The following CLIP1 variants were observed in gnomAD, a reference collection of about 807,000 sequenced individuals.
The protein encoded by CLIP1 is CAP-Gly domain-containing linker protein 1.
A neutral mutation model predicts 161.6 loss-of-function variants in CLIP1; 66 were observed. That is an observed-to-expected ratio of 0.41 (90% CI 0.33 to 0.50). The LOEUF is 0.50. CLIP1 is among the 20% of genes least tolerant of loss of function. The pLI is 0.27. For synonymous variants in CLIP1, 598 were observed against 626.2 expected, an observed-to-expected ratio of 0.96 and a Z score of 0.67; for missense variants, 1,376 against 1,702.0, an observed-to-expected ratio of 0.81 and a Z score of 3.37.
At chr12:122,387,908 A>G (rs1955397509) in intron 1 of CLIP1, among the ~76,000 whole-genome samples, 1 of 151,996 alleles carries the variant, frequency 6.6e-6, no homozygotes, top group Admixed American at 6.6e-5. Flanking sequence ...TAATGAATTA[A>G]TATTTTTAAA....
chr12:122,363,315 C>T (rs748019776), intron 4 of CLIP1, among the ~76,000 whole-genome samples: 1 of 151,950 alleles, frequency 6.6e-6, no homozygotes, highest in Non-Finnish European at 1.5e-5. Flanking sequence ...GCCTGGGCAA[C>T]ACCCCGTCTC....
chr12:122,314,117 C>G (rs1208393251), intron 19 of CLIP1, among the ~76,000 whole-genome samples: 1 of 151,986 alleles, frequency 6.6e-6, no homozygotes, highest in African/African-American at 2.4e-5. Flanking sequence ...ATGGTGAAAC[C>G]CTGTTTCTAC....
At chr12:122,382,425 G>A (rs1310951403) in intron 1 of CLIP1, among the ~76,000 whole-genome samples, 1 of 151,922 alleles carries the variant, frequency 6.6e-6, no homozygotes, top group Admixed American at 6.6e-5. Flanking sequence ...TTACTTGGAA[G>A]GCTGAGGCAC....
intron 12 of CLIP1, 98 bp downstream of exon 12, chr12:122,336,530 TAGAA>T (rs746866434): frequency 3.7e-5 from 25 of 682,436 alleles, no homozygotes; most frequent in East Asian, 1.0e-4. Context: ...AATCAACACT[TAGAA>T]AGAGAAAGGA....
chr12:122,301,495 G>C (rs553136802), intron 20 of CLIP1, among the ~76,000 whole-genome samples: 1 of 152,138 alleles, frequency 6.6e-6, no homozygotes, highest in Non-Finnish European at 1.5e-5. Context: ...CCAATATGGC[G>C]AAACCCCATC....
intron 17 of CLIP1, among the ~76,000 whole-genome samples, chr12:122,325,239 G>GTT (rs1367860640): frequency 6.6e-6 from 1 of 151,888 alleles, no homozygotes; most frequent in Non-Finnish European, 1.5e-5. Context: ...TGTATTTTTA[G>GTT]TAGAGACGGG....
At chr12:122,356,848 C>T (rs567668859) in intron 5 of CLIP1, among the ~76,000 whole-genome samples, 63 of 152,310 alleles carry the variant, frequency 4.1e-4, no homozygotes, top group Non-Finnish European at 7.2e-4. Context: ...CTGTGTTGGC[C>T]GGGCTGGTCT....
chr12:122,380,211 C>G (rs1037015640), intron 2 of CLIP1, among the ~76,000 whole-genome samples, 157 bp downstream of exon 2: 8 of 151,694 alleles, frequency 5.3e-5, no homozygotes, highest in Admixed American at 1.3e-4. Flanking sequence ...CCACTGCACT[C>G]CAGCCTGGGT....
chr12:122,422,059 C>T (rs1956964689), intron 1 of CLIP1, among the ~76,000 whole-genome samples: 1 of 152,238 alleles, frequency 6.6e-6, no homozygotes, highest in African/African-American at 2.4e-5. Flanking sequence ...GCCGGGCACC[C>T]GGGGCCTGAG....
At chr12:122,351,218 G>A (rs960474972) in intron 8 of CLIP1, 75 bp from the exon 9 acceptor site, 4 of 878,804 alleles carry the variant, frequency 4.6e-6, no homozygotes, top group African/African-American at 3.4e-5. Flanking sequence ...ATGTGTTAGG[G>A]TTTCAAGATA....
rs573582187 is a variant in CLIP1, at chr12:122,281,808, T to C, written c.3648-2663A>G. Among the ~76,000 whole-genome samples the C allele has an allele frequency of 2.3e-4, 35 of 152,266 alleles. No individual in the cohort carries two copies. In the South Asian group the frequency reaches 7.0e-3, roughly 31 times the overall value. On this transcript the variant is annotated intron_variant, in intron 21 of 25. Transcript: ENST00000620786. ...ATGATTTCCAGAGCTTCACTTGCTA[T>C]AAATCCAACTCAAATTTGAAAAAAT... is the stretch of plus-strand genomic sequence containing the variant.
At chr12:122,363,228 G>A (rs931565571) in intron 4 of CLIP1, among the ~76,000 whole-genome samples, 7 of 152,106 alleles carry the variant, frequency 4.6e-5, no homozygotes, top group African/African-American at 1.4e-4. Context: ...GGCTGGACGC[G>A]GTGGCTCACA....
chr12:122,419,586 A>G (rs913873229), intron 1 of CLIP1, among the ~76,000 whole-genome samples: 3 of 151,946 alleles, frequency 2.0e-5, no homozygotes, highest in African/African-American at 7.3e-5. Flanking sequence ...TAAGAGAATC[A>G]ACTCATCTCT....
intron 20 of CLIP1, among the ~76,000 whole-genome samples, chr12:122,293,729 C>A (rs190005468): frequency 6.6e-6 from 1 of 151,838 alleles, no homozygotes; most frequent in East Asian, 1.9e-4. Context: ...CCGCCCGCCT[C>A]GGCCTCCCAA....
intron 4 of CLIP1, among the ~76,000 whole-genome samples, chr12:122,362,266 T>C (rs1039122306): frequency 2.0e-5 from 3 of 151,560 alleles, no homozygotes; most frequent in South Asian, 4.2e-4. Context: ...AAATATATAC[T>C]TTTTTTAATT....
At chr12:122,403,278 T>C (rs1253841476) in intron 1 of CLIP1, among the ~76,000 whole-genome samples, 1 of 152,082 alleles carries the variant, frequency 6.6e-6, no homozygotes, top group Non-Finnish European at 1.5e-5. Flanking sequence ...TGATACATAA[T>C]GTATAAGGAA....
At chr12:122,412,060 CTTTTTTTTT>C (rs71082989) in intron 1 of CLIP1, among the ~76,000 whole-genome samples, 2 of 81,598 alleles carry the variant, frequency 2.5e-5, no homozygotes, top group African/African-American at 4.7e-5. Context: ...CAGTTATTTT[CTTTTTTTTT>C]TTTTTTTTTT....
chr12:122,278,177 C>A lies in CLIP1; in HGVS notation c.3943G>T (p.Asp1315Tyr). 5 of 1,605,656 alleles carry A rather than the reference C, an allele frequency of 3.1e-6. No homozygotes were observed. The highest frequency in any genetic ancestry group is 3.4e-6 in the Non-Finnish European group (4 of 1,178,770). The change falls in exon 24 of 26, where the codon GAT (aspartate) becomes TAT (tyrosine). Residue 1315 changes from aspartate to tyrosine, a missense_variant. By Grantham distance (160) the Asp-to-Tyr change is radical. Coordinates refer to ENST00000620786, the MANE Select transcript of CLIP1 (RefSeq NM_001247997.2). ...ACCTGACTCTCCTGGGCTCTTTCAT[C>A]CTCGTCTGCCTGAGTGTCTGTATTA... ...SGNTDTQADEDERAQESQIDF... is the reference protein window; with the variant it reads ...SGNTDTQADEYERAQESQIDF...
chr12:122,422,780 G>C (rs1388488199), upstream of CLIP1: 1 of 100,102 alleles, frequency 1.0e-5, no homozygotes, highest in Non-Finnish European at 2.6e-5. Flanking sequence ...GCCCGCGCCC[G>C]GCCCCGCGCC....
Sources: gnomAD v4.1 joint callset for allele counts (sites outside exome capture counted in the v4.1 genomes callset) on GRCh38, gnomAD v4.1.1 for gene constraint, MANE v1.5 for transcripts, NCBI Gene and HGNC (gene_info 2026-07-23, HGNC 2026-07-21) for gene names.